Variants in FBXL20 observed in about 807,000 individuals in gnomAD.
FBXL20 encodes F-box/LRR-repeat protein 20.
In FBXL20, 11 loss-of-function variants were observed where a neutral mutation model predicts 64.0. The ratio of observed to expected loss-of-function variants is 0.17; its 90% CI spans 0.11 to 0.28. The LOEUF (loss-of-function observed/expected upper bound fraction) is 0.28, where lower values mean the gene tolerates loss of function less well. Among genes scored for constraint, FBXL20 ranks in the 10% least tolerant of loss-of-function variants. FBXL20 has a pLI of 1.00. For synonymous variants in FBXL20, 184 were observed against 189.0 expected (o/e 0.97, Z 0.22); for missense variants, 303 against 526.2 (o/e 0.58, Z 4.15).
intron 1 of FBXL20, among the ~76,000 whole-genome samples, chr17:39,343,546 T>C (rs553789918): frequency 7.9e-5 from 12 of 152,208 alleles, no homozygotes; most frequent in African/African-American, 2.2e-4. Context: ...CTTCACTTTA[T>C]AGATAGGAAG....
At chr17:39,387,361 C>T (rs1159836121) in intron 1 of FBXL20, among the ~76,000 whole-genome samples, 2 of 150,068 alleles carry the variant, frequency 1.3e-5, no homozygotes, top group Non-Finnish European at 3.0e-5. Flanking sequence ...CTTGCTGTAA[C>T]CTCTGTCTCC....
chr17:39,293,859 T>C (rs1250085209), intron 6 of FBXL20, among the ~76,000 whole-genome samples: 2 of 151,840 alleles, frequency 1.3e-5, no homozygotes, highest in Non-Finnish European at 2.9e-5. Flanking sequence ...TTCCTCTTTA[T>C]CAGCCACAAA....
intron 1 of FBXL20, among the ~76,000 whole-genome samples, chr17:39,361,745 C>G (rs1239587915): frequency 6.6e-6 from 1 of 151,800 alleles, no homozygotes; most frequent in Non-Finnish European, 1.5e-5. Flanking sequence ...TGCAGTGAGC[C>G]GAGATCGCAC....
intron 1 of FBXL20, among the ~76,000 whole-genome samples, chr17:39,367,759 TTA>T (rs754930078): frequency 3.3e-5 from 5 of 150,640 alleles, no homozygotes; most frequent in Admixed American, 1.3e-4. Context: ...GAAAGATTAT[TTA>T]TATATATATA....
chr17:39,294,404 C>T (rs2047066530), intron 6 of FBXL20, among the ~76,000 whole-genome samples: 1 of 152,040 alleles, frequency 6.6e-6, no homozygotes, highest in Non-Finnish European at 1.5e-5. Context: ...CTCAGCCTCC[C>T]AAGTAGCTTG....
At chr17:39,325,161 T>C (rs1301396042) in intron 2 of FBXL20, among the ~76,000 whole-genome samples, 3 of 152,188 alleles carry the variant, frequency 2.0e-5, no homozygotes, top group African/African-American at 7.2e-5. Flanking sequence ...CAAGCTGTGA[T>C]TGTGCCACTG....
At chr17:39,372,583 A>G (rs2047929091) in intron 1 of FBXL20, among the ~76,000 whole-genome samples, 2 of 151,088 alleles carry the variant, frequency 1.3e-5, no homozygotes, top group African/African-American at 2.4e-5. Flanking sequence ...AAATGAGCCA[A>G]TGACTGTTTA....
chr17:39,271,907 A>G (rs535364294), intron 10 of FBXL20, among the ~76,000 whole-genome samples: 21 of 152,268 alleles, frequency 1.4e-4, no homozygotes, highest in Middle Eastern at 3.4e-3. Context: ...CTGAAGTTGA[A>G]AAAAATTGAA....
At chr17:39,398,925 G>A (rs564383081) in intron 1 of FBXL20, among the ~76,000 whole-genome samples, 2 of 152,066 alleles carry the variant, frequency 1.3e-5, no homozygotes, top group African/African-American at 4.8e-5. Context: ...CACCCACCTC[G>A]GCCTCCCAAA....
intron 1 of FBXL20, 110 bp downstream of exon 1, chr17:39,401,251 G>A: frequency 6.3e-7 from 1 of 1,584,772 alleles, no homozygotes; most frequent in South Asian, 1.1e-5. Context: ...CCCCGCCAGT[G>A]GGTGGGTGAC....
chr17:39,338,985 C>T (rs1018988731), intron 2 of FBXL20, among the ~76,000 whole-genome samples: 4 of 151,706 alleles, frequency 2.6e-5, no homozygotes, highest in Non-Finnish European at 4.4e-5. Context: ...TGGCCAACAT[C>T]GTGAATCCCT....
chr17:39,370,683 T>C (rs1364599517), intron 1 of FBXL20, among the ~76,000 whole-genome samples: 1 of 147,904 alleles, frequency 6.8e-6, no homozygotes, highest in Non-Finnish European at 1.5e-5. Context: ...TAGTCCCAGC[T>C]ACTCGGGAGG....
chr17:39,339,161 G>A (rs1187107691), intron 2 of FBXL20, among the ~76,000 whole-genome samples: 3 of 85,086 alleles, frequency 3.5e-5, no homozygotes, highest in Non-Finnish European at 6.0e-5. Flanking sequence ...GTGAGACCCT[G>A]TCTCAAAAAA....
In FBXL20 at chr17:39,298,981, T is replaced by C. The variant is rs553244386; in HGVS notation, c.329+9A>G. 3 of 1,605,220 alleles carry C rather than the reference T, an allele frequency of 1.9e-6. No individual in the cohort carries two copies. The highest frequency in any genetic ancestry group is 2.6e-6 in the Non-Finnish European group (3 of 1,172,898). ...CATCAAGAAGATTAATCAATAGTTATGTTTTTACCTTAATGCATTGTCTCC... is the reference window on the plus strand; with the variant it reads ...CATCAAGAAGATTAATCAATAGTTACGTTTTTACCTTAATGCATTGTCTCC... On this transcript the variant is annotated intron_variant, in intron 5 of 14. Transcript: ENST00000264658.
chr17:39,276,152 C>G (rs1183439343), intron 9 of FBXL20, among the ~76,000 whole-genome samples: 1 of 131,420 alleles, frequency 7.6e-6, no homozygotes, highest in Non-Finnish European at 1.5e-5. Context: ...ACGGCTGACA[C>G]AGGAGAATCG....
At chr17:39,365,591 T>C (rs1040177665) in intron 1 of FBXL20, among the ~76,000 whole-genome samples, 1 of 152,224 alleles carries the variant, frequency 6.6e-6, no homozygotes, top group Admixed American at 6.5e-5. Flanking sequence ...TCTGTTTCAT[T>C]TACTTAACCC....
intron 1 of FBXL20, among the ~76,000 whole-genome samples, chr17:39,358,036 T>C (rs190560632): frequency 8.9e-4 from 135 of 152,290 alleles, no homozygotes; most frequent in African/African-American, 3.0e-3. Flanking sequence ...AAGAACTGTC[T>C]CACAGAAAGC....
intron 1 of FBXL20, among the ~76,000 whole-genome samples, chr17:39,399,824 T>C (rs1157865149): frequency 6.6e-6 from 1 of 152,128 alleles, no homozygotes; most frequent in Non-Finnish European, 1.5e-5. Context: ...TTACACCACA[T>C]ACAAGAGAAT....
intron 2 of FBXL20, among the ~76,000 whole-genome samples, chr17:39,339,513 G>A (rs1298768250): frequency 6.6e-6 from 1 of 152,104 alleles, no homozygotes; most frequent in Non-Finnish European, 1.5e-5. Context: ...TGTTGAAGCT[G>A]TGGATAAAAT....
Sources: allele counts gnomAD v4.1 joint callset (sites outside exome capture counted in the v4.1 genomes callset), GRCh38; gene constraint gnomAD v4.1.1; transcripts MANE v1.5; gene names NCBI Gene and HGNC (gene_info 2026-07-23, HGNC 2026-07-21).